Variants in TRAPPC11 observed in about 807,000 individuals in gnomAD.
The protein encoded by TRAPPC11 is trafficking protein particle complex subunit 11.
In TRAPPC11, 104 loss-of-function variants were observed where a neutral mutation model predicts 151.2. The observed-to-expected ratio is 0.69, with a 90% CI of 0.59 to 0.81. The LOEUF (loss-of-function observed/expected upper bound fraction) is 0.81, where lower values mean the gene tolerates loss of function less well. Among genes scored for constraint, TRAPPC11 ranks in the 30% least tolerant of loss-of-function variants. The probability of loss-of-function intolerance (pLI) is 0.00; values close to 1 mark genes in which losing one functional copy is unlikely to be tolerated. For synonymous variants in TRAPPC11, 456 were observed against 472.3 expected, an observed-to-expected ratio of 0.97 and a Z score of 0.45; for missense variants, 1,230 against 1,349.6, an observed-to-expected ratio of 0.91 and a Z score of 1.39.
At chr4:183,690,065 TG>T (rs1358425403) in intron 18 of TRAPPC11, among the ~76,000 whole-genome samples, 1 of 152,004 alleles carries the variant, frequency 6.6e-6, no homozygotes, top group Non-Finnish European at 1.5e-5. Context: ...TAGCTGAGCG[TG>T]GTGGCGGGTG....
intron 26 of TRAPPC11, 104 bp downstream of exon 26, chr4:183,701,912 A>T: frequency 1.3e-6 from 1 of 791,738 alleles, no homozygotes; most frequent in Non-Finnish European, 2.1e-6. Context: ...TGTCATTCTG[A>T]AGAGCAGAAG....
At chr4:183,666,771 G>T (rs936395197) in intron 3 of TRAPPC11, 36 of 424,240 alleles carry the variant, frequency 8.5e-5, no homozygotes, top group Non-Finnish European at 1.7e-5. Context: ...ACTCTGCAGT[G>T]TATCACCATA....
intron 7 of TRAPPC11, among the ~76,000 whole-genome samples, chr4:183,676,563 T>A (rs1434999090): frequency 6.6e-6 from 1 of 152,236 alleles, no homozygotes; most frequent in Non-Finnish European, 1.5e-5. Flanking sequence ...AAACTTTTTC[T>A]ATGAAAAGCC....
In TRAPPC11 at chr4:183,679,464, C is replaced by T. The variant is rs757690967; in HGVS notation, c.943C>T (p.His315Tyr). 6.2e-7 allele frequency: 1 copy of T among 1,611,046 alleles called. No homozygotes were observed. The highest frequency in any genetic ancestry group is 1.1e-5 in the South Asian group (1 of 90,572). ...TGGAAGTGCAGAGCTGTCTTTTGAG[C>T]ATGATGCATGGATGTCTAAACAGTA... is the stretch of plus-strand genomic sequence containing the variant. ...KIGSAELSFE[H>Y]DAWMSKQFQA... The change falls in exon 9 of 30, where the codon CAT (histidine) becomes TAT (tyrosine). Residue 315 changes from histidine (H) to tyrosine (Y), a missense_variant. Transcript: ENST00000334690.
chr4:183,665,155 C>T (rs576233779), intron 2 of TRAPPC11, among the ~76,000 whole-genome samples: 62 of 129,544 alleles, frequency 4.8e-4, no homozygotes, highest in Admixed American at 2.0e-3. Flanking sequence ...AGTGCTGTGG[C>T]GCGATATCGG....
At chr4:183,692,119 G>A (rs1579203079) in intron 19 of TRAPPC11, among the ~76,000 whole-genome samples, 1 of 152,124 alleles carries the variant, frequency 6.6e-6, no homozygotes, top group East Asian at 1.9e-4. Context: ...TCTGTAAAAT[G>A]GGGATCATAA....
chr4:183,705,721 G>T (rs1360669511), intron 27 of TRAPPC11, among the ~76,000 whole-genome samples: 1 of 152,068 alleles, frequency 6.6e-6, no homozygotes, highest in East Asian at 1.9e-4. Context: ...ATGTTTCTCT[G>T]TCCCTATAAA....
chr4:183,666,180 A>T, intron 2 of TRAPPC11, 77 bp from the exon 3 acceptor site: 1 of 1,393,920 alleles, frequency 7.2e-7, no homozygotes, highest in Non-Finnish European at 9.9e-7. Context: ...ATCAATGCAC[A>T]TAAAGTGCTT....
intron 26 of TRAPPC11, among the ~76,000 whole-genome samples, chr4:183,703,453 T>G (rs1176503949): frequency 6.6e-6 from 1 of 152,234 alleles, no homozygotes; most frequent in African/African-American, 2.4e-5. Flanking sequence ...AAAATAGCAT[T>G]TTAAAGGCAC....
intron 6 of TRAPPC11, 117 bp downstream of exon 6, chr4:183,674,929 T>A: frequency 1.5e-6 from 1 of 648,772 alleles, no homozygotes; most frequent in Non-Finnish European, 2.5e-6. Flanking sequence ...ATTTCTAAAG[T>A]TTTTTTCAAT....
intron 18 of TRAPPC11, among the ~76,000 whole-genome samples, chr4:183,690,779 G>C (rs1351346992): frequency 6.6e-6 from 1 of 152,096 alleles, no homozygotes; most frequent in Non-Finnish European, 1.5e-5. Flanking sequence ...ACCAGCTTGG[G>C]CAACGTAGTG....
rs745593996 is a variant in TRAPPC11, at chr4:183,668,025, A to G, written c.468A>G (p.Glu156=). Residue 156 remains glutamate, a synonymous_variant, in exon 5 of 30, where the codon GAA becomes GAG. Transcript: ENST00000334690. Reference sequence around the variant, plus strand: ...CAGGAGAAGATGTCATTGCTTCAGAAAGGGCTGCAGCTTTATGCAATGCAT... The same window carrying G: ...CAGGAGAAGATGTCATTGCTTCAGAGAGGGCTGCAGCTTTATGCAATGCAT... The part of the protein sequence containing the change: ...LPPGEDVIAS[E]RAAALCNACE... 33 of 1,612,282 alleles carry G rather than the reference A, an allele frequency of 2.0e-5. No individual in the cohort carries two copies. In the East Asian group the frequency reaches 3.6e-4, roughly 17 times the overall value.
intron 7 of TRAPPC11, chr4:183,675,489 A>G (rs1435481919): frequency 4.4e-6 from 1 of 225,666 alleles, no homozygotes; most frequent in African/African-American, 2.3e-5. Context: ...TGAGCCACAG[A>G]AATGTAATAT....
chr4:183,659,598 A>C (rs1734358114), intron 1 of TRAPPC11, among the ~76,000 whole-genome samples, 151 bp downstream of exon 1: 1 of 152,178 alleles, frequency 6.6e-6, no homozygotes, highest in Non-Finnish European at 1.5e-5. Flanking sequence ...GGAAAGACGC[A>C]CCCGTTTCTA....
chr4:183,671,462 C>T lies in TRAPPC11; in HGVS notation c.561-3251C>T, dbSNP rs564102492. ...GACCCCACCCCTCATCCCCCGCAGC[C>T]CCAACTGCTGCTCCTGCTTCTGCTC... On this transcript the variant is annotated intron_variant, in intron 5 of 29. Coordinates refer to ENST00000334690, the MANE Select transcript of TRAPPC11 (RefSeq NM_021942.6). Among the ~76,000 whole-genome samples, 5 of 152,282 alleles carry T rather than the reference C, an allele frequency of 3.3e-5. No homozygotes were observed. The South Asian group carries it at 1.0e-3, about 32-fold the overall frequency.
intron 18 of TRAPPC11, among the ~76,000 whole-genome samples, chr4:183,687,480 C>T (rs1736042008): frequency 2.6e-5 from 4 of 151,998 alleles, no homozygotes; most frequent in Admixed American, 2.6e-4. Flanking sequence ...AGGCACCTGC[C>T]ACCACGTCTG....
intron 5 of TRAPPC11, among the ~76,000 whole-genome samples, chr4:183,672,890 C>T (rs1468082546): frequency 1.3e-5 from 2 of 150,904 alleles, no homozygotes; most frequent in Admixed American, 1.3e-4. Flanking sequence ...TCAGAATAGT[C>T]TGTAGACATA....
chr4:183,686,526 T>G, intron 17 of TRAPPC11, 92 bp from the exon 18 acceptor site: 1 of 1,451,110 alleles, frequency 6.9e-7, no homozygotes, highest in Non-Finnish European at 9.5e-7. Flanking sequence ...AGTGCAGATG[T>G]GTCTTTCTGA....
intron 17 of TRAPPC11, among the ~76,000 whole-genome samples, chr4:183,686,388 TG>T (rs1735967475): frequency 6.6e-6 from 1 of 152,174 alleles, no homozygotes; most frequent in Admixed American, 6.5e-5. Context: ...CCGCCTGGCT[TG>T]GCCTCCCCAA....
Sources: allele counts gnomAD v4.1 joint callset (sites outside exome capture counted in the v4.1 genomes callset), GRCh38; gene constraint gnomAD v4.1.1; transcripts MANE v1.5; gene names NCBI Gene and HGNC (gene_info 2026-07-23, HGNC 2026-07-21).